Variants in OR8G5 observed in about 807,000 individuals in gnomAD.
OR8G5 encodes olfactory receptor family 8 subfamily G member 5.
For missense variants in OR8G5, 347 were observed against 371.9 expected (o/e 0.93, Z 0.55); for synonymous variants, 147 against 147.7 (o/e 1.00, Z 0.03).
intron 1 of OR8G5, among the ~76,000 whole-genome samples, chr11:124,261,506 G>T (rs1296548582): frequency 6.6e-6 from 1 of 151,846 alleles, no homozygotes; most frequent in East Asian, 1.9e-4. Context: ...TAAATATAAA[G>T]TTCTGCATTC....
chr11:124,262,672 TATACACACACACACACATAC>T (rs1861983941), intron 1 of OR8G5, among the ~76,000 whole-genome samples: 1 of 150,858 alleles, frequency 6.6e-6, no homozygotes, highest in Non-Finnish European at 1.5e-5. Flanking sequence ...TATATGTACA[TATACACACACACACACATAC>T]ACACACACCA....
In OR8G5 at chr11:124,265,880, T is replaced by A. The variant is rs1441147540; in HGVS notation, c.*13T>A. 2 of 1,583,482 alleles carry A rather than the reference T, an allele frequency of 1.3e-6. No homozygotes were observed. Among genetic ancestry groups the A allele is most frequent in the Admixed American group, 1.8e-5 (1 of 54,806 alleles). On this transcript the variant is annotated 3_prime_UTR_variant, in exon 2 of 2. Transcript: ENST00000641992. ...AACATTCTTATGAACAGAAGTACAA[T>A]GAAAAAGATTGCATTAGATCTAAGT... is the stretch of plus-strand genomic sequence containing the variant.
chr11:124,263,607 T>C (rs2512173), intron 1 of OR8G5, among the ~76,000 whole-genome samples: 72,169 of 150,146 alleles, frequency 0.48, 18,020 homozygotes, highest in East Asian at 0.58. Context: ...TGTTTGGTTT[T>C]TTGTCCTTGC....
At chr11:124,263,736 T>G (rs943320127) in intron 1 of OR8G5, among the ~76,000 whole-genome samples, 7 of 151,962 alleles carry the variant, frequency 4.6e-5, no homozygotes, top group Non-Finnish European at 8.8e-5. Context: ...TATAGTTAGT[T>G]TTATGCTCAG....
At chr11:124,263,556 T>C (rs1403840302) in intron 1 of OR8G5, among the ~76,000 whole-genome samples, 2 of 140,310 alleles carry the variant, frequency 1.4e-5, no homozygotes, top group Non-Finnish European at 3.0e-5. Context: ...TGTCCATGTG[T>C]TCTCATTGTT....
intron 1 of OR8G5, among the ~76,000 whole-genome samples, chr11:124,257,429 A>G (rs995225271): frequency 6.6e-6 from 1 of 152,204 alleles, no homozygotes; most frequent in Non-Finnish European, 1.5e-5. Flanking sequence ...AAGAAGGACC[A>G]GGTGGTTGAG....
intron 1 of OR8G5, among the ~76,000 whole-genome samples, chr11:124,264,463 G>A (rs1259293178): frequency 6.6e-6 from 1 of 152,084 alleles, no homozygotes; most frequent in Admixed American, 6.5e-5. Context: ...TGGATTTCTT[G>A]ATAATTACAT....
At position 124,266,212 on chromosome 11, in the gene OR8G5, G is replaced by A. The variant is rs17128791; in HGVS notation, c.*345G>A. The A allele has an allele frequency of 0.015, 3,119 of 209,794 alleles. 56 individuals carry two copies. Among genetic ancestry groups the A allele is most frequent in the Admixed American group, 0.044 (841 of 18,960 alleles). The allele number at this position is 209,794 out of a possible 1,614,324, so 13.0% of individuals were successfully genotyped here. On this transcript the variant is annotated 3_prime_UTR_variant, in exon 2 of 2. Coordinates refer to ENST00000641992, the MANE Select transcript of OR8G5 (RefSeq NM_001005198.2). ...CATAATAAAAACACTATCTTCTGGT[G>A]ATAAAATACTATCATGCGGTGATGA...
Position 124,266,058 on chromosome 11 carries a change from C to A in OR8G5, c.*191C>A. The A allele has an allele frequency of 1.5e-6, 1 of 655,764 alleles. No homozygotes were observed. The highest frequency in any genetic ancestry group is 2.8e-5 in the South Asian group (1 of 36,112). The allele number at this position is 655,764 out of a possible 1,614,324, so 40.6% of individuals were successfully genotyped here. On this transcript the variant is annotated 3_prime_UTR_variant, in exon 2 of 2. Coordinates refer to ENST00000641992, the MANE Select transcript of OR8G5 (RefSeq NM_001005198.2). ...CTCATTTTTTCTCTCATAAGGATTA[C>A]GAAGACATGATATTTTCTTAGAAGA...
chr11:124,258,967 T>C (rs1419168684), intron 1 of OR8G5, among the ~76,000 whole-genome samples: 2 of 152,200 alleles, frequency 1.3e-5, no homozygotes, highest in East Asian at 1.9e-4. Flanking sequence ...ATGGACTCCA[T>C]TGGATTATTT....
At position 124,265,856 on chromosome 11, in the gene OR8G5, A is replaced by T. The variant is rs374821122; in HGVS notation, c.925A>T (p.Thr309Ser). The change falls in exon 2 of 2, where the codon ACA (threonine) becomes TCA (serine). Residue 309 changes from threonine (T) to serine (S), a missense_variant. Thr to Ser is a moderately conservative substitution (Grantham distance 58). Transcript: ENST00000641992. ...CCTGAAGAAAACGCTAGGGAAAAGAACATTCTTATGAACAGAAGTACAATG... is the reference window on the plus strand; with the variant it reads ...CCTGAAGAAAACGCTAGGGAAAAGATCATTCTTATGAACAGAAGTACAATG... ...VALKKTLGKR[T>S]FL The T allele has an allele frequency of 3.8e-5, 61 of 1,610,616 alleles. No homozygotes were observed. The highest frequency in any genetic ancestry group is 5.0e-5 in the Non-Finnish European group (59 of 1,178,076).
rs184170055 is a variant in OR8G5 at position 124,262,516 on chromosome 11, A to G, written c.-14-2402A>G. ...TACACACAAAATCCTGTAGGTCTAGAGAGCTACACTGGTGAATACTTCTAT... is the reference window on the plus strand; with the variant it reads ...TACACACAAAATCCTGTAGGTCTAGGGAGCTACACTGGTGAATACTTCTAT... On this transcript the variant is annotated intron_variant, in intron 1 of 1. Coordinates refer to ENST00000641992, the MANE Select transcript of OR8G5 (RefSeq NM_001005198.2). 2.5e-3 allele frequency among the ~76,000 whole-genome samples: 380 copies of G among 152,126 alleles called. 1 individual carries two copies. Among genetic ancestry groups the G allele is most frequent in the Non-Finnish European group, 4.2e-3 (285 of 67,920 alleles).
chr11:124,263,631 G>A (rs961544785), intron 1 of OR8G5, among the ~76,000 whole-genome samples: 1 of 151,562 alleles, frequency 6.6e-6, no homozygotes, highest in Non-Finnish European at 1.5e-5. Flanking sequence ...AGTTTGCTGA[G>A]AATGATGGTT....
In OR8G5 at chr11:124,259,245, C is replaced by A. The variant is rs563187192; in HGVS notation, c.-15+2611C>A. On this transcript the variant is annotated intron_variant, in intron 1 of 1. Transcript: ENST00000641992. ...TTCACTAAATCTGGTAGAGTGGTAG[C>A]AAATCTATATTAAACAACACAAACA... Among the ~76,000 whole-genome samples the A allele has an allele frequency of 5.9e-5, 9 of 152,014 alleles. No homozygotes were observed. The South Asian group carries it at 1.0e-3, about 18-fold the overall frequency.
chr11:124,261,048 T>C (rs1861966331), intron 1 of OR8G5, among the ~76,000 whole-genome samples: 1 of 151,854 alleles, frequency 6.6e-6, no homozygotes, highest in Non-Finnish European at 1.5e-5. Context: ...TTTTTTAGCT[T>C]CCACGTATGA....
At chr11:124,263,778 G>A (rs1297105434) in intron 1 of OR8G5, among the ~76,000 whole-genome samples, 1 of 151,954 alleles carries the variant, frequency 6.6e-6, no homozygotes, top group African/African-American at 2.4e-5. Context: ...TTTTGGTGTA[G>A]AAATGTGTTA....
chr11:124,266,050 A>C lies in OR8G5; in HGVS notation c.*183A>C. ...ATTTCCCTCTCATTTTTTCTCTCAT[A>C]AGGATTACGAAGACATGATATTTTC... On this transcript the variant is annotated 3_prime_UTR_variant, in exon 2 of 2. Coordinates refer to ENST00000641992, the MANE Select transcript of OR8G5 (RefSeq NM_001005198.2). 2.9e-6 allele frequency: 2 copies of C among 690,144 alleles called. No individual in the cohort carries two copies. The highest frequency in any genetic ancestry group is 2.9e-5 in the East Asian group (1 of 34,468). 42.8% of individuals were successfully genotyped at this position (690,144 alleles called of 1,614,324 possible). A position where few individuals can be genotyped will look rare whatever the true frequency, so the allele number is the denominator to read the frequency against.
intron 1 of OR8G5, among the ~76,000 whole-genome samples, chr11:124,257,005 G>A (rs1861920108): frequency 6.6e-6 from 1 of 152,182 alleles, no homozygotes; most frequent in Non-Finnish European, 1.5e-5. Flanking sequence ...CCAGACAACA[G>A]AAAGTGTAAT....
chr11:124,262,846 G>A (rs1591395930), intron 1 of OR8G5, among the ~76,000 whole-genome samples: 1 of 152,134 alleles, frequency 6.6e-6, no homozygotes, highest in Non-Finnish European at 1.5e-5. Context: ...AATACTAAGA[G>A]GCAGAATTCT....
Sources: gnomAD v4.1 joint callset for allele counts (sites outside exome capture counted in the v4.1 genomes callset) on GRCh38, gnomAD v4.1.1 for gene constraint, MANE v1.5 for transcripts, NCBI Gene and HGNC (gene_info 2026-07-23, HGNC 2026-07-21) for gene names.